The following EFR3B variants were observed in gnomAD, a reference collection of about 807,000 sequenced individuals.
EFR3B encodes the protein EFR3 homolog B.
In EFR3B, 64 loss-of-function variants were observed where a neutral mutation model predicts 104.7. The observed-to-expected ratio is 0.61, with a 90% confidence interval of 0.50 to 0.75. The LOEUF is 0.75. Ranked by LOEUF, EFR3B falls within the 30% of genes least tolerant of loss-of-function variation. EFR3B has a pLI of 0.00. For synonymous variants in EFR3B, 385 were observed against 417.9 expected, an observed-to-expected ratio of 0.92 and a Z score of 0.96; for missense variants, 750 against 1,078.5, an observed-to-expected ratio of 0.70 and a Z score of 4.27.
chr2:25,081,467 A>T (rs1668804895), intron 1 of EFR3B: 3 of 1,442,466 alleles, frequency 2.1e-6, no homozygotes, highest in African/African-American at 2.8e-5. Context: ...TTTGCCACAT[A>T]TCCTTTGGAA....
At chr2:25,057,879 A>G (rs1219087881) in intron 1 of EFR3B, among the ~76,000 whole-genome samples, 4 of 152,138 alleles carry the variant, frequency 2.6e-5, no homozygotes, top group Non-Finnish European at 4.4e-5. Context: ...AAGGCAACCT[A>G]CAGAATGGGA....
chr2:25,092,998 T>C lies in EFR3B; in HGVS notation c.85-5T>C. The C allele has an allele frequency of 6.5e-7, 1 of 1,544,068 alleles. No individual in the cohort carries two copies. The highest frequency in any genetic ancestry group is 8.7e-7 in the Non-Finnish European group (1 of 1,146,920). On this transcript the variant is annotated splice_region_variant and splice_polypyrimidine_tract_variant and intron_variant, in intron 2 of 22. Coordinates refer to ENST00000403714, the MANE Select transcript of EFR3B (RefSeq NM_014971.2). ...ATAGTGAGCACAAGCTGTTTTCTCC[T>C]ACAGGATGGTCTGGTGAAGACCAAC... is the stretch of plus-strand genomic sequence containing the variant.
chr2:25,081,340 A>G (rs1668800194), intron 1 of EFR3B: 24 of 888,288 alleles, frequency 2.7e-5, no homozygotes, highest in Non-Finnish European at 1.8e-6. Context: ...GCTTCTTACT[A>G]CTTGTGAGTC....
In EFR3B at chr2:25,082,174, C is replaced by T. The variant is rs10202954; in HGVS notation, c.8-9151C>T. ...GCAAGGACCTTGTGGCACTTCTCAC[C>T]CTGGCTGTGTGCTGGAATTGTGGTG... is the stretch of plus-strand genomic sequence containing the variant. On this transcript the variant is annotated intron_variant, in intron 1 of 22. Transcript: ENST00000403714. Among the ~76,000 whole-genome samples, 704 of 152,350 alleles carry T rather than the reference C, an allele frequency of 4.6e-3. 5 individuals are homozygous for T. Among genetic ancestry groups the T allele is most frequent in the African/African-American group, 0.016 (677 of 41,584 alleles).
intron 1 of EFR3B, among the ~76,000 whole-genome samples, chr2:25,048,715 T>C (rs2149162872): frequency 6.6e-6 from 1 of 152,364 alleles, no homozygotes; most frequent in South Asian, 2.1e-4. Context: ...CATTACTCAT[T>C]AGTTTGTAGC....
chr2:25,101,165 G>C (rs1669422209), intron 3 of EFR3B, among the ~76,000 whole-genome samples: 1 of 152,210 alleles, frequency 6.6e-6, no homozygotes, highest in African/African-American at 2.4e-5. Flanking sequence ...GAGTGGGCCA[G>C]TGGGCTCTGC....
chr2:25,128,942 C>T (rs1368551176), intron 6 of EFR3B, among the ~76,000 whole-genome samples: 7 of 111,582 alleles, frequency 6.3e-5, no homozygotes, highest in African/African-American at 2.4e-4. Flanking sequence ...GCCTGGGCGA[C>T]GGAGCGAGAC....
rs886464819 is a variant in EFR3B at position 25,137,213 on chromosome 2, C to G, written c.1561-128C>G. The stretch of plus-strand genomic sequence containing the variant: ...TGCCAGAGCCCGCTTTAAAGGCATC[C>G]CCTCCCCAAGGGAGGAGGGGGCACA... On this transcript the variant is annotated intron_variant, in intron 14 of 22. Coordinates refer to ENST00000403714, the MANE Select transcript of EFR3B (RefSeq NM_014971.2). The surrounding 1 kb of genome is among the most constrained non-coding windows in gnomAD (Gnocchi z 4.7). The G allele has an allele frequency of 1.8e-6, 2 of 1,088,808 alleles. No individual in the cohort carries two copies. Among genetic ancestry groups the G allele is most frequent in the East Asian group, 5.2e-5 (2 of 38,332 alleles). The allele number at this position is 1,088,808 out of a possible 1,614,324, so 67.4% of individuals were successfully genotyped here.
At chr2:25,125,722 G>T (rs1670145177) in intron 5 of EFR3B, among the ~76,000 whole-genome samples, 1 of 152,212 alleles carries the variant, frequency 6.6e-6, no homozygotes, top group African/African-American at 2.4e-5. Context: ...GCCAAGGCGG[G>T]AGGATCACAA....
chr2:25,130,625 A>T lies in EFR3B; in HGVS notation c.844A>T (p.Ile282Phe). The T allele has an allele frequency of 1.3e-6, 2 of 1,551,520 alleles. No individual in the cohort carries two copies. Among genetic ancestry groups the T allele is most frequent in the Non-Finnish European group, 1.7e-6 (2 of 1,146,908 alleles). ...IRCFKIIMYS[I>F]QPQHSHLVIQ... ...TTGCTTTAAAATCATCATGTACTCA[A>T]TTCAGGTATGGTGGCTCCCCTGGGC... Residue 282 changes from isoleucine (I) to phenylalanine (F), a missense_variant, in exon 8 of 23, where the codon ATT becomes TTT. By Grantham distance (21) the Ile-to-Phe change is conservative (BLOSUM62 0). Transcript: ENST00000403714. This position sits in a 1 kb window ranked among gnomAD's most constrained non-coding sequence, Gnocchi z 4.6.
chr2:25,085,407 T>G (rs940137560), intron 1 of EFR3B, among the ~76,000 whole-genome samples: 1 of 152,198 alleles, frequency 6.6e-6, no homozygotes, highest in Admixed American at 6.5e-5. Context: ...CCACCTATTT[T>G]TAAAGTAGGT....
intron 3 of EFR3B, among the ~76,000 whole-genome samples, chr2:25,096,682 AC>A (rs1217926740): frequency 1.3e-5 from 2 of 151,782 alleles, no homozygotes; most frequent in African/African-American, 4.8e-5. Flanking sequence ...GTTCTCTCTC[AC>A]TTTGACCTCT....
chr2:25,104,012 A>T lies in EFR3B; in HGVS notation c.363+225A>T, dbSNP rs938002133. Among the ~76,000 whole-genome samples the T allele has an allele frequency of 3.2e-4, 48 of 151,440 alleles. 1 individual carries two copies. Among genetic ancestry groups the T allele is most frequent in the Admixed American group, 3.2e-3 (48 of 15,214 alleles). ...ATTTATATAGATATATAATAAAATAATTTTTAAAAATAAAATTCACCACTT... is the reference window on the plus strand; with the variant it reads ...ATTTATATAGATATATAATAAAATATTTTTTAAAAATAAAATTCACCACTT... On this transcript the variant is annotated intron_variant, in intron 4 of 22. Coordinates refer to ENST00000403714, the MANE Select transcript of EFR3B (RefSeq NM_014971.2).
intron 20 of EFR3B, among the ~76,000 whole-genome samples, chr2:25,150,138 G>A (rs974709874): frequency 6.6e-6 from 1 of 151,796 alleles, no homozygotes; most frequent in Non-Finnish European, 1.5e-5. Context: ...TGTCTCAACT[G>A]AAAAAATACA....
intron 1 of EFR3B, among the ~76,000 whole-genome samples, chr2:25,066,380 G>A (rs1001413473): frequency 4.6e-5 from 7 of 152,106 alleles, no homozygotes; most frequent in African/African-American, 1.7e-4. Flanking sequence ...GCATTTGAGG[G>A]CCTTTCACCT....
At position 25,149,705 on chromosome 2, in the gene EFR3B, C is replaced by G; in HGVS notation, c.2154C>G (p.Ala718=). The G allele has an allele frequency of 3.2e-6, 5 of 1,551,480 alleles. No individual in the cohort carries two copies. The highest frequency in any genetic ancestry group is 2.0e-5 in the Admixed American group (1 of 50,992). The part of the protein sequence containing the change: ...NSPEKEERVP[A]EEITYETLKK... Reference sequence around the variant, plus strand: ...CCCTTCTCCTTCAGCGAGTGCCTGCCGAGGAGATCACCTATGAGACACTGA... The same window carrying G: ...CCCTTCTCCTTCAGCGAGTGCCTGCGGAGGAGATCACCTATGAGACACTGA... The change falls in exon 20 of 23, where the codon GCC becomes GCG. Residue 718 remains alanine (A), a synonymous_variant. Transcript: ENST00000403714.
intron 1 of EFR3B, among the ~76,000 whole-genome samples, chr2:25,049,952 TA>T (rs59279308): frequency 0.048 from 5,040 of 104,840 alleles, 223 homozygotes; most frequent in African/African-American, 0.15. Flanking sequence ...ACATTTCTAC[TA>T]AAAAAAAAAA....
At chr2:25,067,549 C>A (rs34515472) in intron 1 of EFR3B, among the ~76,000 whole-genome samples, 3 of 151,924 alleles carry the variant, frequency 2.0e-5, no homozygotes, top group Non-Finnish European at 4.4e-5. Flanking sequence ...ATTCTCCTGC[C>A]TGAGCCTCCC....
chr2:25,050,193 G>A (rs947129895), intron 1 of EFR3B, among the ~76,000 whole-genome samples: 42 of 152,058 alleles, frequency 2.8e-4, no homozygotes, highest in African/African-American at 9.2e-4. Flanking sequence ...ATTCCTGTGA[G>A]CAGTGGGAGC....
Sources: gnomAD v4.1 joint callset for allele counts (sites outside exome capture counted in the v4.1 genomes callset) on GRCh38, gnomAD v4.1.1 for gene constraint, Gnocchi (gnomAD v3.1) non-coding constraint, MANE v1.5 for transcripts, NCBI Gene and HGNC (gene_info 2026-07-23, HGNC 2026-07-21) for gene names.